The following LRRTM4 variants were observed in gnomAD, a reference collection of about 807,000 sequenced individuals.
LRRTM4 encodes leucine rich repeat transmembrane neuronal 4.
In LRRTM4, 25 loss-of-function variants were observed where a neutral mutation model predicts 47.6. The ratio of observed to expected loss-of-function variants is 0.53; its 90% CI spans 0.38 to 0.73. The LOEUF is 0.73. Among genes scored for constraint, LRRTM4 ranks in the 30% least tolerant of loss-of-function variants. The pLI is 0.00. For synonymous variants in LRRTM4, 311 were observed against 269.5 expected, an observed-to-expected ratio of 1.15 and a Z score of -1.51; for missense variants, 638 against 713.4, an observed-to-expected ratio of 0.89 and a Z score of 1.20.
intron 3 of LRRTM4, among the ~76,000 whole-genome samples, chr2:76,856,132 C>G (rs761090849): frequency 6.6e-6 from 1 of 151,928 alleles, no homozygotes; most frequent in Non-Finnish European, 1.5e-5. Flanking sequence ...CAAAATTTAG[C>G]CCAGCATCGT....
At chr2:76,958,723 A>T (rs1427543071) in intron 3 of LRRTM4, among the ~76,000 whole-genome samples, 1 of 151,766 alleles carries the variant, frequency 6.6e-6, no homozygotes, top group Non-Finnish European at 1.5e-5. Flanking sequence ...AGATCAAGGT[A>T]TCCTACTAAA....
intron 3 of LRRTM4, among the ~76,000 whole-genome samples, chr2:76,934,707 CT>C (rs1674883803): frequency 6.6e-6 from 1 of 152,142 alleles, no homozygotes; most frequent in African/African-American, 2.4e-5. Flanking sequence ...TTGGAAACAG[CT>C]CACCACTACT....
intron 3 of LRRTM4, among the ~76,000 whole-genome samples, chr2:77,486,046 A>G (rs1573480015): frequency 6.6e-6 from 1 of 152,250 alleles, no homozygotes; most frequent in African/African-American, 2.4e-5. Context: ...GCCTAAAAAA[A>G]ATTTAGAACC....
At chr2:77,148,414 A>G (rs1672317290) in intron 3 of LRRTM4, among the ~76,000 whole-genome samples, 1 of 152,180 alleles carries the variant, frequency 6.6e-6, no homozygotes, top group Non-Finnish European at 1.5e-5. Flanking sequence ...TAACCTCTCC[A>G]AATTTCATCA....
At chr2:77,010,346 ATT>A (rs59415402) in intron 3 of LRRTM4, among the ~76,000 whole-genome samples, 1 of 151,326 alleles carries the variant, frequency 6.6e-6, no homozygotes, top group Non-Finnish European at 1.5e-5. Flanking sequence ...TATGAGTTTG[ATT>A]TTTTTTACAT....
At chr2:76,850,876 G>A (rs927588905) in intron 3 of LRRTM4, among the ~76,000 whole-genome samples, 4 of 152,176 alleles carry the variant, frequency 2.6e-5, no homozygotes, top group Non-Finnish European at 5.9e-5. Context: ...GTTAGAAATG[G>A]ATCAAATATC....
At chr2:76,796,623 C>A (rs1477940811) in intron 3 of LRRTM4, among the ~76,000 whole-genome samples, 1 of 108,254 alleles carries the variant, frequency 9.2e-6, no homozygotes, top group Non-Finnish European at 1.7e-5. Context: ...GGAAAACTAA[C>A]AAACAGAAAG....
At chr2:77,328,115 C>G (rs967273507) in intron 3 of LRRTM4, among the ~76,000 whole-genome samples, 1 of 152,118 alleles carries the variant, frequency 6.6e-6, no homozygotes, top group African/African-American at 2.4e-5. Flanking sequence ...CCCTAGGTGA[C>G]CTCTTATTTT....
chr2:76,887,427 C>G (rs1340444647), intron 3 of LRRTM4, among the ~76,000 whole-genome samples: 3 of 151,030 alleles, frequency 2.0e-5, no homozygotes, highest in Admixed American at 1.3e-4. Flanking sequence ...ATATGACAAA[C>G]AGCACCACCA....
At chr2:76,807,449 TATATATATAC>T (rs1670544889) in intron 3 of LRRTM4, among the ~76,000 whole-genome samples, 10 of 100,722 alleles carry the variant, frequency 9.9e-5, no homozygotes, top group South Asian at 7.1e-4. Context: ...TATATACATA[TATATATATAC>T]ATATATATAT....
intron 3 of LRRTM4, among the ~76,000 whole-genome samples, chr2:76,837,007 T>A (rs1342685578): frequency 3.3e-5 from 5 of 152,150 alleles, no homozygotes; most frequent in Admixed American, 2.6e-4. Context: ...TAAGTTGGAA[T>A]CATTCTGTCA....
intron 3 of LRRTM4, among the ~76,000 whole-genome samples, chr2:77,510,316 G>T (rs192748162): frequency 6.6e-6 from 1 of 152,062 alleles, no homozygotes; most frequent in Non-Finnish European, 1.5e-5. Context: ...GTGAAAGAAC[G>T]TATGTTTCAG....
chr2:76,840,064 CT>C lies in LRRTM4; in HGVS notation c.1552-91149del, dbSNP rs1671627834. 2.6e-5 allele frequency among the ~76,000 whole-genome samples: 4 copies of C among 152,204 alleles called. No homozygotes were observed. The South Asian group carries it at 8.3e-4, about 32-fold the overall frequency. On this transcript the variant is annotated intron_variant, in intron 3 of 3. Transcript: ENST00000409884. The stretch of plus-strand genomic sequence containing the variant: ...CTACTCCAAGAAAAGCCTCCTTTAG[CT>C]TTGTTTTGTGGACCCCAATCACAGC...
At chr2:76,880,071 G>A (rs1672885927) in intron 3 of LRRTM4, among the ~76,000 whole-genome samples, 2 of 152,224 alleles carry the variant, frequency 1.3e-5, no homozygotes, top group African/African-American at 4.8e-5. Context: ...TGGTGAAGAT[G>A]CTGTTATAAT....
intron 3 of LRRTM4, among the ~76,000 whole-genome samples, chr2:77,079,215 T>C (rs1030446006): frequency 3.3e-5 from 5 of 152,240 alleles, no homozygotes; most frequent in Admixed American, 3.3e-4. Context: ...TTTATGACTA[T>C]TTAACATTTC....
intron 3 of LRRTM4, among the ~76,000 whole-genome samples, chr2:77,276,868 C>G (rs1676374508): frequency 6.6e-6 from 1 of 151,270 alleles, no homozygotes; most frequent in Non-Finnish European, 1.5e-5. Context: ...AGAGCTTCAT[C>G]TGATAAATGT....
At chr2:77,305,835 C>T (rs1677255982) in intron 3 of LRRTM4, among the ~76,000 whole-genome samples, 1 of 151,872 alleles carries the variant, frequency 6.6e-6, no homozygotes, top group Non-Finnish European at 1.5e-5. Flanking sequence ...AACAATAATT[C>T]TGGAACATCT....
chr2:76,963,592 T>C (rs973987846), intron 3 of LRRTM4, among the ~76,000 whole-genome samples: 1 of 150,962 alleles, frequency 6.6e-6, no homozygotes, highest in African/African-American at 2.4e-5. Context: ...TTAAAGATTC[T>C]TATAAGTATC....
intron 3 of LRRTM4, among the ~76,000 whole-genome samples, chr2:76,781,008 A>T (rs1201567935): frequency 6.6e-6 from 1 of 152,254 alleles, no homozygotes; most frequent in Non-Finnish European, 1.5e-5. Context: ...GGTCTGTTGG[A>T]ATACCCTGCC....
Sources: allele counts gnomAD v4.1 joint callset (sites outside exome capture counted in the v4.1 genomes callset), GRCh38; gene constraint gnomAD v4.1.1; transcripts MANE v1.5; gene names NCBI Gene and HGNC (gene_info 2026-07-23, HGNC 2026-07-21).